Variants in GPATCH2L observed in about 807,000 individuals in gnomAD.
GPATCH2L encodes the protein G-patch domain containing 2 like, also known as G patch domain-containing protein 2-like.
In GPATCH2L, 31 loss-of-function variants were observed where a neutral mutation model predicts 57.4. That is an observed-to-expected ratio of 0.54 (90% CI 0.41 to 0.73). The LOEUF is 0.73. Ranked by LOEUF, GPATCH2L falls within the 30% of genes least tolerant of loss-of-function variation. GPATCH2L has a pLI of 0.00. For missense variants in GPATCH2L, 481 were observed against 599.9 expected, an observed-to-expected ratio of 0.80 and a Z score of 2.07; for synonymous variants, 199 against 210.7, an observed-to-expected ratio of 0.94 and a Z score of 0.48.
intron 2 of GPATCH2L, among the ~76,000 whole-genome samples, chr14:76,161,424 A>G (rs2038577333): frequency 1.3e-5 from 2 of 152,238 alleles, no homozygotes; most frequent in African/African-American, 2.4e-5. Flanking sequence ...GTAATTTATT[A>G]ATACCAACTT....
intron 9 of GPATCH2L, 80 bp downstream of exon 9, chr14:76,196,052 G>C: frequency 2.9e-6 from 3 of 1,034,466 alleles, no homozygotes; most frequent in Non-Finnish European, 4.6e-6. Context: ...ACCTTTTCAT[G>C]TAATGTTTGT....
chr14:76,221,299 A>G (rs964548394), intron 1 of GPATCH2L, among the ~76,000 whole-genome samples: 1 of 152,246 alleles, frequency 6.6e-6, no homozygotes, highest in African/African-American at 2.4e-5. Flanking sequence ...ATGAGATGCC[A>G]TGACATACCT....
At chr14:76,164,448 C>T (rs1035996212) in intron 2 of GPATCH2L, among the ~76,000 whole-genome samples, 1 of 152,006 alleles carries the variant, frequency 6.6e-6, no homozygotes, top group Non-Finnish European at 1.5e-5. Flanking sequence ...CAAATTGGGA[C>T]GGGGGCTGCA....
At chr14:76,228,356 C>T (rs957007016) in intron 1 of GPATCH2L, among the ~76,000 whole-genome samples, 9 of 152,046 alleles carry the variant, frequency 5.9e-5, no homozygotes, top group South Asian at 2.1e-4. Context: ...TGTGCGTGCG[C>T]GCGCGTGTGT....
chr14:76,170,653 A>G (rs2039042512), intron 3 of GPATCH2L: 1 of 152,182 alleles, frequency 6.6e-6, no homozygotes, highest in Non-Finnish European at 1.5e-5. Context: ...GATACCAACG[A>G]TAAATGAAGT....
Position 76,201,876 on chromosome 14 carries a change from G to A in GPATCH2L, c.*25G>A, listed in dbSNP as rs764950031. On this transcript the variant is annotated 3_prime_UTR_variant, in exon 10 of 10. Transcript: ENST00000261530. ...GAGAGCAGGACTTCACCCTCCAGGA[G>A]CTGACTGGGTGTTGCTGAAGCAAAT... The A allele has an allele frequency of 1.2e-6, 2 of 1,602,262 alleles. No homozygotes were observed. The highest frequency in any genetic ancestry group is 2.2e-5 in the South Asian group (2 of 89,922).
rs1241631962 is a variant in GPATCH2L at position 76,205,278 on chromosome 14, C to G, written c.*3427C>G. On this transcript the variant is annotated 3_prime_UTR_variant, in exon 10 of 10. Coordinates refer to ENST00000261530, the MANE Select transcript of GPATCH2L (RefSeq NM_017926.4). The stretch of plus-strand genomic sequence containing the variant: ...AGCCACCATGCCCAGCCTTGTGTTG[C>G]CTCTTGGTAAGAAATAATAAAAAGA... 6.6e-6 allele frequency: 1 copy of G among 152,114 alleles called. No individual in the cohort carries two copies. The highest frequency in any genetic ancestry group is 1.9e-4 in the East Asian group (1 of 5,196). 9.4% of individuals were successfully genotyped at this position (152,114 alleles called of 1,614,324 possible).
chr14:76,189,842 A>C (rs904510381), intron 8 of GPATCH2L, among the ~76,000 whole-genome samples: 1 of 152,114 alleles, frequency 6.6e-6, no homozygotes, highest in Admixed American at 6.6e-5. Context: ...TGGGCCTGTC[A>C]TATATGGCTT....
At chr14:76,156,666 A>C (rs1211667443) in intron 2 of GPATCH2L, among the ~76,000 whole-genome samples, 1 of 152,228 alleles carries the variant, frequency 6.6e-6, no homozygotes, top group East Asian at 1.9e-4. Context: ...TACCAAATAG[A>C]AGTCTTCTTA....
intron 2 of GPATCH2L, among the ~76,000 whole-genome samples, chr14:76,166,107 T>G (rs2038824337): frequency 6.7e-6 from 1 of 149,726 alleles, no homozygotes. Flanking sequence ...TATATTTTTG[T>G]TTTTAACTTT....
chr14:76,175,728 T>G (rs2039293954), intron 5 of GPATCH2L: 1 of 152,202 alleles, frequency 6.6e-6, no homozygotes, highest in African/African-American at 2.4e-5. Flanking sequence ...CTACAGCCAG[T>G]TCTGCTGAAA....
At chr14:76,188,212 C>T (rs1333425039) in intron 8 of GPATCH2L, among the ~76,000 whole-genome samples, 1 of 152,044 alleles carries the variant, frequency 6.6e-6, no homozygotes, top group Non-Finnish European at 1.5e-5. Flanking sequence ...ATACTGATTT[C>T]CTTTCTTTTG....
downstream of GPATCH2L, among the ~76,000 whole-genome samples, chr14:76,217,596 G>GA (rs11312530): frequency 0.16 from 24,623 of 150,608 alleles, 2,095 homozygotes; most frequent in Middle Eastern, 0.33. Context: ...TTTGACTGTT[G>GA]AAAAAAAAAC....
intron 8 of GPATCH2L, among the ~76,000 whole-genome samples, chr14:76,192,818 T>G (rs2040022868): frequency 6.6e-6 from 1 of 152,202 alleles, no homozygotes; most frequent in Non-Finnish European, 1.5e-5. Flanking sequence ...TTACTTGATT[T>G]CCTTAGAAAG....
chr14:76,223,929 C>T (rs772382544), intron 1 of GPATCH2L, among the ~76,000 whole-genome samples: 4 of 152,166 alleles, frequency 2.6e-5, no homozygotes, highest in Non-Finnish European at 4.4e-5. Flanking sequence ...CCCCCAAAAG[C>T]TTGTACACAA....
rs561334377 is a variant in GPATCH2L, at chr14:76,154,727, C to T, written c.364C>T (p.Pro122Ser). 3 of 1,614,154 alleles carry T rather than the reference C, an allele frequency of 1.9e-6. No individual in the cohort carries two copies. In the East Asian group the frequency reaches 6.7e-5, roughly 36 times the overall value. ...HESDSFTENA[P>S]CRPLRRRRKV... is the part of the protein sequence containing the mutation. ...ATCTGACTCCTTTACTGAAAATGCACCTTGTCGACCACTCAGGCGCAGGCG... is the reference window on the plus strand; with the variant it reads ...ATCTGACTCCTTTACTGAAAATGCATCTTGTCGACCACTCAGGCGCAGGCG... The change falls in exon 2 of 10, where the codon CCT (proline) becomes TCT (serine). Residue 122 changes from proline (P) to serine (S), a missense_variant. By Grantham distance (74) the Pro-to-Ser change is moderately conservative. Coordinates refer to ENST00000261530, the MANE Select transcript of GPATCH2L (RefSeq NM_017926.4). The surrounding 1 kb of genome is among the most constrained non-coding windows in gnomAD (Gnocchi z 4.4).
At chr14:76,229,852 C>G (rs1425956833) in exon 2 of GPATCH2L, 6 of 152,202 alleles carry the variant, frequency 3.9e-5, no homozygotes, top group African/African-American at 1.4e-4. Flanking sequence ...CACTCGGAGG[C>G]CTGTATTCCA....
chr14:76,234,353 A>G (rs2040588199), intron 2 of GPATCH2L, among the ~76,000 whole-genome samples: 1 of 152,000 alleles, frequency 6.6e-6, no homozygotes, highest in African/African-American at 2.4e-5. Context: ...CATGATTCCT[A>G]CCTCTTGGGG....
chr14:76,174,679 G>T (rs2039241376), intron 5 of GPATCH2L: 2 of 151,662 alleles, frequency 1.3e-5, no homozygotes. Flanking sequence ...TGTGACCTAG[G>T]CTGGAATGCA....
Sources: allele counts gnomAD v4.1 joint callset (sites outside exome capture counted in the v4.1 genomes callset), GRCh38; gene constraint gnomAD v4.1.1; non-coding constraint Gnocchi (gnomAD v3.1); transcripts MANE v1.5; gene names NCBI Gene and HGNC (gene_info 2026-07-23, HGNC 2026-07-21).